Variants in ADCY3 observed in about 807,000 individuals in gnomAD.
ADCY3 encodes the protein adenylate cyclase 3.
A neutral mutation model predicts 119.4 loss-of-function variants in ADCY3; 70 were observed. That is an observed-to-expected ratio of 0.59 (90% CI 0.48 to 0.72). The LOEUF is 0.72. Ranked by LOEUF, ADCY3 falls within the 30% of genes least tolerant of loss-of-function variation. The pLI, the probability that ADCY3 is intolerant of heterozygous loss-of-function variation, is 0.00. For synonymous variants in ADCY3, 672 were observed against 621.4 expected (o/e 1.08, Z -1.21); for missense variants, 1,238 against 1,541.6 (o/e 0.80, Z 3.30).
chr2:24,872,618 G>A lies in ADCY3; in HGVS notation c.777C>T (p.Arg259=), dbSNP rs1675162052. The change falls in exon 3 of 22, where the codon CGC becomes CGT. Residue 259 remains arginine, a synonymous_variant. Coordinates refer to ENST00000679454, the MANE Select transcript of ADCY3 (RefSeq NM_004036.5). The surrounding 1 kb of genome is among the most constrained non-coding windows in gnomAD (Gnocchi z 4.4). The part of the protein sequence containing the change: ...RKHRKAFLEA[R]QSLEVKMNLE... ...GGTTCATCTTCACCTCCAGCGACTG[G>A]CGGGCCTCCAGGAAGGCCTTGCGGT... is the stretch of plus-strand genomic sequence containing the variant. 5.6e-6 allele frequency: 9 copies of A among 1,614,128 alleles called. No individual in the cohort carries two copies. The highest frequency in any genetic ancestry group is 1.7e-5 in the Admixed American group (1 of 60,010).
At chr2:24,832,367 G>C (rs1337427277) in intron 11 of ADCY3, among the ~76,000 whole-genome samples, 1 of 152,116 alleles carries the variant, frequency 6.6e-6, no homozygotes, top group African/African-American at 2.4e-5. Context: ...TGTGCTGAAA[G>C]GACAGAGCAC....
intron 2 of ADCY3, among the ~76,000 whole-genome samples, chr2:24,917,116 G>A (rs1051998077): frequency 6.6e-6 from 1 of 152,240 alleles, no homozygotes; most frequent in Non-Finnish European, 1.5e-5. Context: ...CAGCAGAGGA[G>A]TGGAAGATTC....
chr2:24,853,409 CCT>C (rs1463398707), intron 3 of ADCY3, among the ~76,000 whole-genome samples: 3 of 151,410 alleles, frequency 2.0e-5, no homozygotes, highest in African/African-American at 7.3e-5. Context: ...TTCCTGTAAT[CCT>C]TTTTTATTGT....
At position 24,918,622 on chromosome 2, in the gene ADCY3, G is replaced by C; in HGVS notation, c.366C>G (p.Phe122Leu). 6.2e-7 allele frequency: 1 copy of C among 1,614,170 alleles called. No individual in the cohort carries two copies. Among genetic ancestry groups the C allele is most frequent in the Non-Finnish European group, 8.5e-7 (1 of 1,180,042 alleles). Reference protein sequence around the residue: ...GIGLVLDIILFVLCKKGLLPD... With the variant: ...GIGLVLDIILLVLCKKGLLPD... Reference sequence around the variant, plus strand: ...GGAGCAGCCCCTTTTTGCAGAGCACGAAGAGGATGATGTCCAACACCAGTC... The same window carrying C: ...GGAGCAGCCCCTTTTTGCAGAGCACCAAGAGGATGATGTCCAACACCAGTC... Residue 122 changes from phenylalanine (F) to leucine (L), a missense_variant, in exon 2 of 22, where the codon TTC (phenylalanine) becomes TTG (leucine). Coordinates refer to ENST00000679454, the MANE Select transcript of ADCY3 (RefSeq NM_004036.5). This position sits in a 1 kb window ranked among gnomAD's most constrained non-coding sequence, Gnocchi z 5.4.
chr2:24,895,526 T>C (rs1005379753), intron 2 of ADCY3, among the ~76,000 whole-genome samples: 37 of 152,244 alleles, frequency 2.4e-4, no homozygotes, highest in African/African-American at 8.9e-4. Flanking sequence ...CTCTGTTCTT[T>C]TGAGACTTCA....
At chr2:24,838,298 G>T in intron 8 of ADCY3, 147 bp downstream of exon 8, 1 of 782,132 alleles carries the variant, frequency 1.3e-6, no homozygotes, top group Non-Finnish European at 2.0e-6. Context: ...CCCTTGGGAA[G>T]GGTGCCAGCC....
At chr2:24,851,179 C>T (rs1250989589) in intron 3 of ADCY3, among the ~76,000 whole-genome samples, 1 of 152,140 alleles carries the variant, frequency 6.6e-6, no homozygotes, top group Non-Finnish European at 1.5e-5. Context: ...TTGGGCTTGG[C>T]TCCAGACTTC....
intron 2 of ADCY3, among the ~76,000 whole-genome samples, chr2:24,904,964 T>C (rs927431808): frequency 2.0e-5 from 3 of 152,000 alleles, no homozygotes; most frequent in Admixed American, 1.3e-4. Flanking sequence ...TTGCCTCCTA[T>C]GCGCCATTCC....
intron 2 of ADCY3, among the ~76,000 whole-genome samples, chr2:24,888,726 G>GA (rs1677347012): frequency 1.3e-5 from 2 of 152,204 alleles, no homozygotes; most frequent in African/African-American, 4.8e-5. Flanking sequence ...ATGGTGGAAA[G>GA]GGCCTGGTGT....
intron 2 of ADCY3, among the ~76,000 whole-genome samples, chr2:24,902,069 TGTGTGTA>T: frequency 6.9e-6 from 1 of 145,532 alleles, no homozygotes; most frequent in Non-Finnish European, 1.5e-5. Flanking sequence ...TGTGTGTGTG[TGTGTGTA>T]TTTGGTTTTT....
chr2:24,845,532 A>G (rs1212305109), intron 3 of ADCY3, among the ~76,000 whole-genome samples: 3 of 152,252 alleles, frequency 2.0e-5, no homozygotes, highest in African/African-American at 7.2e-5. Flanking sequence ...CTGATGGAAG[A>G]AATTTCTAAG....
intron 18 of ADCY3, among the ~76,000 whole-genome samples, 153 bp from the exon 19 acceptor site, chr2:24,822,783 T>C (rs972581711): frequency 6.6e-6 from 1 of 152,238 alleles, no homozygotes; most frequent in Non-Finnish European, 1.5e-5. Context: ...ATCTGCCACA[T>C]GATCCTGGGA....
Position 24,906,470 on chromosome 2 carries a change from A to G in ADCY3, c.675+11843T>C, listed in dbSNP as rs1046333243. On this transcript the variant is annotated intron_variant, in intron 2 of 21. Transcript: ENST00000679454. ...ACTCAGTGCTGCACCAATGAAAGGTAAACTGTAAGCATGGGCAGGAGTAGA... is the reference window on the plus strand; with the variant it reads ...ACTCAGTGCTGCACCAATGAAAGGTGAACTGTAAGCATGGGCAGGAGTAGA... 2.6e-5 allele frequency among the ~76,000 whole-genome samples: 4 copies of G among 152,234 alleles called. No homozygotes were observed. The South Asian group carries it at 8.3e-4, about 31-fold the overall frequency.
intron 13 of ADCY3, among the ~76,000 whole-genome samples, chr2:24,829,569 T>C (rs12619015): frequency 0.044 from 6,644 of 151,348 alleles, 209 homozygotes; most frequent in East Asian, 0.13. Flanking sequence ...TACAGGCGCC[T>C]GCCACCACGC....
chr2:24,884,312 C>G (rs1207495166), intron 2 of ADCY3, among the ~76,000 whole-genome samples: 1 of 152,096 alleles, frequency 6.6e-6, no homozygotes, highest in African/African-American at 2.4e-5. Flanking sequence ...TCTACAGAAT[C>G]ACTGTTCAAG....
In ADCY3 at chr2:24,841,107, C is replaced by G; in HGVS notation, c.1196+152G>C. ...TCCCAGCTTCTAGAGCGGGAGCCTG[C>G]GCCACCCATCAACCAGTGCTGTGTC... On this transcript the variant is annotated intron_variant, in intron 6 of 21. Transcript: ENST00000679454. This position sits in a 1 kb window ranked among gnomAD's most constrained non-coding sequence, Gnocchi z 5.8. The G allele has an allele frequency of 1.1e-6, 1 of 905,224 alleles. No homozygotes were observed. The highest frequency in any genetic ancestry group is 3.6e-4 in the Middle Eastern group (1 of 2,802). The allele number at this position is 905,224 out of a possible 1,614,324, so 56.1% of individuals were successfully genotyped here. A position where few individuals can be genotyped will look rare whatever the true frequency, so the allele number is the denominator to read the frequency against.
At chr2:24,832,628 A>T (rs1416217920) in intron 11 of ADCY3, among the ~76,000 whole-genome samples, 1 of 152,098 alleles carries the variant, frequency 6.6e-6, no homozygotes, top group African/African-American at 2.4e-5. Flanking sequence ...CCTCCTTGAG[A>T]CACTTTTCTC....
Position 24,827,920 on chromosome 2 carries a change from T to C in ADCY3, c.2414A>G (p.Lys805Arg), listed in dbSNP as rs770197739. The C allele has an allele frequency of 3.7e-6, 6 of 1,614,010 alleles. No homozygotes were observed. The highest frequency in any genetic ancestry group is 1.7e-5 in the Admixed American group (1 of 60,010). Reference sequence around the variant, plus strand: ...ATCTTACTCGTGCTCCCGAAAACGCTTGTGGTCGTATTCATCAAAGACGGG... The same window carrying C: ...ATCTTACTCGTGCTCCCGAAAACGCCTGTGGTCGTATTCATCAAAGACGGG... ...WRPVFDEYDH[K>R]RFREHDLPMV... The change falls in exon 14 of 22, where the codon AAG becomes AGG. Residue 805 changes from lysine (K) to arginine (R), a missense_variant. By Grantham distance (26) the Lys-to-Arg change is conservative (BLOSUM62 2). Around this residue, in one of 7 missense-constraint regions of ADCY3, gnomAD observed 499 missense variants for 571.0 expected, o/e 0.87. Coordinates refer to ENST00000679454, the MANE Select transcript of ADCY3 (RefSeq NM_004036.5).
At chr2:24,822,402 C>G in intron 19 of ADCY3, 109 bp downstream of exon 19, 1 of 1,472,570 alleles carries the variant, frequency 6.8e-7, no homozygotes, top group Non-Finnish European at 9.3e-7. Context: ...TGGTGTGTGT[C>G]TGGGACCACT....
Sources: allele counts gnomAD v4.1 joint callset (sites outside exome capture counted in the v4.1 genomes callset), GRCh38; gene constraint gnomAD v4.1.1; regional missense constraint gnomAD v4.1.1; non-coding constraint Gnocchi (gnomAD v3.1); transcripts MANE v1.5; gene names NCBI Gene and HGNC (gene_info 2026-07-23, HGNC 2026-07-21).